ENTPD5: variants seen among roughly 807,000 people sequenced by gnomAD.
ENTPD5 encodes the protein nucleoside diphosphate phosphatase ENTPD5.
In ENTPD5, 49 loss-of-function variants were observed where a neutral mutation model predicts 60.2. That is an observed-to-expected ratio of 0.81 (90% CI 0.65 to 1.03). The LOEUF (loss-of-function observed/expected upper bound fraction) is 1.03. Ranked by LOEUF, ENTPD5 falls within the 50% of genes least tolerant of loss-of-function variation. The pLI is 0.00. For synonymous variants in ENTPD5, 187 were observed against 185.4 expected, an observed-to-expected ratio of 1.01 and a Z score of -0.07; for missense variants, 480 against 507.6, an observed-to-expected ratio of 0.95 and a Z score of 0.52.
chr14:73,993,517 C>T (rs942669873), intron 3 of ENTPD5, among the ~76,000 whole-genome samples: 18 of 152,170 alleles, frequency 1.2e-4, no homozygotes, highest in African/African-American at 3.9e-4. Flanking sequence ...ACAAAGGAAA[C>T]TTCATCCCAG....
intron 3 of ENTPD5, among the ~76,000 whole-genome samples, chr14:74,007,306 G>T (rs1225953176): frequency 6.6e-6 from 1 of 152,152 alleles, no homozygotes; most frequent in Non-Finnish European, 1.5e-5. Context: ...CGGATCACGA[G>T]GTCAGGAAAT....
At chr14:73,990,501 T>A (rs1299578146) in intron 3 of ENTPD5, among the ~76,000 whole-genome samples, 2 of 151,340 alleles carry the variant, frequency 1.3e-5, no homozygotes, top group African/African-American at 4.8e-5. Context: ...TACCTGGCTA[T>A]TTTTTTTATT....
At chr14:74,010,091 T>A (rs1418835426) in intron 3 of ENTPD5, among the ~76,000 whole-genome samples, 1 of 150,604 alleles carries the variant, frequency 6.6e-6, no homozygotes, top group African/African-American at 2.4e-5. Context: ...CACCCAGCCG[T>A]GTTTTCAATT....
At chr14:74,008,393 CTTTTTTT>C (rs986672970) in intron 3 of ENTPD5, among the ~76,000 whole-genome samples, 7 of 143,306 alleles carry the variant, frequency 4.9e-5, no homozygotes, top group African/African-American at 7.6e-5. Flanking sequence ...TTTCTTTTTT[CTTTTTTT>C]TTTTTTGAGA....
Position 74,012,798 on chromosome 14 carries a change from A to C in ENTPD5, c.-130-1648T>G, listed in dbSNP as rs1162271882. 2.0e-5 allele frequency among the ~76,000 whole-genome samples: 3 copies of C among 152,180 alleles called. No homozygotes were observed. In the East Asian group the frequency reaches 5.8e-4, roughly 29 times the overall value. Reference sequence around the variant, plus strand: ...ACAGATTTCTTTGTAAAATCTGCTGATTTTTAAATGATGACAACTAATTCC... The same window carrying C: ...ACAGATTTCTTTGTAAAATCTGCTGCTTTTTAAATGATGACAACTAATTCC... On this transcript the variant is annotated intron_variant, in intron 2 of 15. Transcript: ENST00000334696.
In ENTPD5 at chr14:73,971,893, C is replaced by T; in HGVS notation, c.1043G>A (p.Gly348Asp). Residue 348 changes from glycine to aspartate, a missense_variant, in exon 14 of 16, where the codon GGT (glycine) becomes GAT (aspartate). By Grantham distance (94) the Gly-to-Asp change is moderately conservative (BLOSUM62 -1). Coordinates refer to ENST00000334696, the MANE Select transcript of ENTPD5 (RefSeq NM_001249.5). ...DTDMIDYEKG[G>D]ILKVEDFERK... is the part of the protein sequence containing the mutation. ...TTCAAAATCTTCAACTTTTAAAATA[C>T]CCCCCTTTTCATAATCTGAAATAAA... 1.9e-6 allele frequency: 3 copies of T among 1,594,882 alleles called. No homozygotes were observed. Among genetic ancestry groups the T allele is most frequent in the Non-Finnish European group, 2.6e-6 (3 of 1,162,568 alleles).
intron 14 of ENTPD5, among the ~76,000 whole-genome samples, chr14:73,970,898 T>A (rs924742957): frequency 2.0e-5 from 3 of 151,870 alleles, no homozygotes; most frequent in Non-Finnish European, 4.4e-5. Context: ...TGATCACAGC[T>A]CCCTGCAGCC....
intron 4 of ENTPD5, among the ~76,000 whole-genome samples, 184 bp downstream of exon 4, chr14:73,987,702 C>A (rs968282558): frequency 6.6e-6 from 1 of 152,090 alleles, no homozygotes; most frequent in Non-Finnish European, 1.5e-5. Context: ...AAAAACAAAA[C>A]AAATAAATAA....
chr14:73,961,955 G>T, downstream of ENTPD5: 1 of 1,602,786 alleles, frequency 6.2e-7, no homozygotes, highest in South Asian at 1.1e-5. Flanking sequence ...AATTTCTTTT[G>T]CTTTTTTTTG....
downstream of ENTPD5, chr14:73,959,879 G>GT (rs2056630681): frequency 1.6e-6 from 2 of 1,236,038 alleles, no homozygotes; most frequent in Non-Finnish European, 2.0e-6. Flanking sequence ...CAGAAAGGTG[G>GT]TTTTGAGTCA....
chr14:73,988,179 G>A lies in ENTPD5; in HGVS notation c.-70-7C>T, dbSNP rs1166077956. Reference sequence around the variant, plus strand: ...GCTCGCACACCTGCAGAGGCTTATAGGACAAAGACACACAAGTTAGACCAA... The same window carrying A: ...GCTCGCACACCTGCAGAGGCTTATAAGACAAAGACACACAAGTTAGACCAA... On this transcript the variant is annotated splice_region_variant and splice_polypyrimidine_tract_variant and intron_variant, in intron 3 of 15. Transcript: ENST00000334696. 1.3e-6 allele frequency: 2 copies of A among 1,505,788 alleles called. No individual in the cohort carries two copies. Among genetic ancestry groups the A allele is most frequent in the Non-Finnish European group, 1.8e-6 (2 of 1,125,788 alleles). 93.3% of individuals were successfully genotyped at this position (1,505,788 alleles called of 1,614,324 possible). A position where few individuals can be genotyped will look rare whatever the true frequency, so the allele number is the denominator to read the frequency against.
In ENTPD5 at chr14:73,965,202, A is replaced by C. The variant is rs537615969; in HGVS notation, c.*1726T>G. On this transcript the variant is annotated 3_prime_UTR_variant, in exon 16 of 16. Transcript: ENST00000334696. ...AAATATTTATTGACTCAATGGAGTA[A>C]TGTTAAAAATAAGGTTTCCCATGGA... 1 of 152,332 alleles carries C rather than the reference A, an allele frequency of 6.6e-6. No homozygotes were observed. The highest frequency in any genetic ancestry group is 2.1e-4 in the South Asian group (1 of 4,822). 9.4% of individuals were successfully genotyped at this position (152,332 alleles called of 1,614,324 possible).
chr14:73,960,842 T>G, downstream of ENTPD5: 1 of 418,956 alleles, frequency 2.4e-6, no homozygotes, highest in South Asian at 2.2e-5. Flanking sequence ...ACGGGCATTC[T>G]AAGCAGAGGA....
downstream of ENTPD5, among the ~76,000 whole-genome samples, chr14:73,957,488 T>C (rs2140391284): frequency 6.6e-6 from 1 of 152,304 alleles, no homozygotes; most frequent in Admixed American, 6.5e-5. Flanking sequence ...TTTTGTTTTG[T>C]TTTGAGACAA....
At chr14:73,955,368 C>G, downstream of ENTPD5, 1 of 1,000,166 alleles carries the variant, frequency 1.0e-6, no homozygotes. Flanking sequence ...TGAAAACAAC[C>G]TCTTACGTAA....
intron 5 of ENTPD5, 116 bp from the exon 6 acceptor site, chr14:73,983,277 C>A: frequency 9.4e-7 from 1 of 1,063,784 alleles, no homozygotes; most frequent in African/African-American, 1.6e-5. Context: ...AGGGCTCCAA[C>A]CTCTCTCTGC....
chr14:73,976,319 C>G lies in ENTPD5; in HGVS notation c.642+5G>C. 1 of 1,613,208 alleles carries G rather than the reference C, an allele frequency of 6.2e-7. No individual in the cohort carries two copies. The highest frequency in any genetic ancestry group is 8.5e-7 in the Non-Finnish European group (1 of 1,179,148). ...TTCTAACCAGATCTTCATTAAATGACTCACCTCAAACTGGGGCAGGAACGT... is the reference window on the plus strand; with the variant it reads ...TTCTAACCAGATCTTCATTAAATGAGTCACCTCAAACTGGGGCAGGAACGT... On this transcript the variant is annotated splice_donor_5th_base_variant and intron_variant, in intron 9 of 15. Transcript: ENST00000334696.
rs192658289 is a variant in ENTPD5 at position 73,986,881 on chromosome 14, A to T, written c.230T>A (p.Ile77Asn). 6.2e-7 allele frequency: 1 copy of T among 1,614,036 alleles called. No individual in the cohort carries two copies. The highest frequency in any genetic ancestry group is 1.7e-5 in the Admixed American group (1 of 60,004). Reference protein sequence around the residue: ...FVQKMPGQLPILEGEVFDSVK... With the variant: ...FVQKMPGQLPNLEGEVFDSVK... Reference sequence around the variant, plus strand: ...AGAATCAAAAACTTCCCCTTCTAGAATTGGAAGCTGTCCTATTTTGTCCAT... The same window carrying T: ...AGAATCAAAAACTTCCCCTTCTAGATTTGGAAGCTGTCCTATTTTGTCCAT... The change falls in exon 5 of 16, where the codon ATT becomes AAT. Residue 77 changes from isoleucine (I) to asparagine (N), a missense_variant. Ile to Asn is a moderately radical substitution (Grantham distance 149). Transcript: ENST00000334696.
chr14:73,995,257 A>G (rs2140728080), intron 3 of ENTPD5, among the ~76,000 whole-genome samples: 1 of 152,142 alleles, frequency 6.6e-6, no homozygotes, highest in South Asian at 2.1e-4. Context: ...CATGTTGGCC[A>G]GGCTGTTCTC....
Sources: gnomAD v4.1 joint callset for allele counts (sites outside exome capture counted in the v4.1 genomes callset) on GRCh38, gnomAD v4.1.1 for gene constraint, MANE v1.5 for transcripts, NCBI Gene and HGNC (gene_info 2026-07-23, HGNC 2026-07-21) for gene names.